The following CIMAP3 variants were observed in gnomAD, a reference collection of about 807,000 sequenced individuals.
CIMAP3 encodes ciliary microtubule associated protein 3, also known as ciliary microtubule-associated protein 3.
At chr1:111,350,452 A>G in the CIMAP3 span, among the ~76,000 whole-genome samples, 1 of 152,162 alleles carries the variant, frequency 6.6e-6, no homozygotes, top group South Asian at 2.1e-4. Context: ...ACATTTTCTT[A>G]TTTGATCCTT....
chr1:111,332,169 C>T, the CIMAP3 span, among the ~76,000 whole-genome samples: 1 of 152,128 alleles, frequency 6.6e-6, no homozygotes, highest in African/African-American at 2.4e-5. Flanking sequence ...GTAGAATGGG[C>T]ATGTGGTTAC....
the CIMAP3 span, among the ~76,000 whole-genome samples, chr1:111,326,649 G>A: frequency 1.3e-5 from 2 of 152,008 alleles, no homozygotes; most frequent in Admixed American, 6.6e-5. Flanking sequence ...TCTATTTTTA[G>A]ATTTTTGCAA....
chr1:111,326,487 T>G, the CIMAP3 span, among the ~76,000 whole-genome samples: 1 of 152,212 alleles, frequency 6.6e-6, no homozygotes, highest in African/African-American at 2.4e-5. Flanking sequence ...TCACTCTTTT[T>G]TTATAACCAA....
chr1:111,347,623 T>C, the CIMAP3 span: 15,873 of 457,978 alleles, frequency 0.035, 14 homozygotes, highest in Non-Finnish European at 0.043. Context: ...TTTTTCTTTC[T>C]TTTTTTTTTT....
chr1:111,352,145 TA>T, the CIMAP3 span: 1 of 152,224 alleles, frequency 6.6e-6, no homozygotes, highest in East Asian at 1.9e-4. Flanking sequence ...CAGCTGCATT[TA>T]AAGTACTTAC....
At chr1:111,336,644 G>A in the CIMAP3 span, among the ~76,000 whole-genome samples, 48 of 152,304 alleles carry the variant, frequency 3.2e-4, no homozygotes, top group South Asian at 9.7e-3. Flanking sequence ...GGGACGTTTA[G>A]AGAAAAAGAA....
At chr1:111,335,173 AGAG>A in the CIMAP3 span, among the ~76,000 whole-genome samples, 27 of 151,092 alleles carry the variant, frequency 1.8e-4, no homozygotes, top group Admixed American at 3.3e-4. Flanking sequence ...AAAAAGAAAC[AGAG>A]AAGAAAAAGA....
At chr1:111,335,718 C>T in the CIMAP3 span, among the ~76,000 whole-genome samples, 1 of 152,238 alleles carries the variant, frequency 6.6e-6, no homozygotes, top group Non-Finnish European at 1.5e-5. Flanking sequence ...GGGTGGAGCC[C>T]ACCACAGCTC....
At chr1:111,352,509 A>G in the CIMAP3 span, 2 of 152,680 alleles carry the variant, frequency 1.3e-5, no homozygotes, top group Admixed American at 6.5e-5. Context: ...TGAAATAATA[A>G]TGGTGAAGGA....
At chr1:111,327,303 T>C in the CIMAP3 span, among the ~76,000 whole-genome samples, 1 of 152,048 alleles carries the variant, frequency 6.6e-6, no homozygotes, top group African/African-American at 2.4e-5. Flanking sequence ...TCTTTTGCAT[T>C]TGAATATCCA....
chr1:111,332,379 T>C, the CIMAP3 span, among the ~76,000 whole-genome samples: 1 of 152,232 alleles, frequency 6.6e-6, no homozygotes. Context: ...AGGCCTGGAT[T>C]GTGGTCATAT....
chr1:111,348,164 A>G, the CIMAP3 span, among the ~76,000 whole-genome samples: 3 of 152,168 alleles, frequency 2.0e-5, no homozygotes, highest in African/African-American at 7.2e-5. Context: ...GGGGATCCTA[A>G]TCTCTTATTG....
chr1:111,327,808 G>A, the CIMAP3 span, among the ~76,000 whole-genome samples: 2 of 148,994 alleles, frequency 1.3e-5, no homozygotes, highest in East Asian at 4.0e-4. Flanking sequence ...GCCAACTCCT[G>A]GATTCACTGA....
At chr1:111,348,610 G>A in the CIMAP3 span, 8 of 1,611,984 alleles carry the variant, frequency 5.0e-6, no homozygotes, top group East Asian at 1.3e-4. Flanking sequence ...TTGGTGCCTC[G>A]ATTTAAGAAC....
the CIMAP3 span, chr1:111,348,395 G>A: frequency 1.9e-6 from 2 of 1,071,036 alleles, no homozygotes; most frequent in Admixed American, 5.5e-5. Flanking sequence ...GCTTGAGGTG[G>A]CTGAACCATA....
the CIMAP3 span, chr1:111,350,193 A>G: frequency 6.2e-7 from 1 of 1,613,840 alleles, no homozygotes. Flanking sequence ...CTCAGGTTCC[A>G]TGTCTACAGA....
At chr1:111,330,431 G>A in the CIMAP3 span, among the ~76,000 whole-genome samples, 1 of 152,204 alleles carries the variant, frequency 6.6e-6, no homozygotes, top group Non-Finnish European at 1.5e-5. Flanking sequence ...TCTTGCCTCT[G>A]GTTTCAGAGG....
chr1:111,348,540 T>C, the CIMAP3 span: 1 of 1,608,106 alleles, frequency 6.2e-7, no homozygotes, highest in Non-Finnish European at 8.5e-7. Flanking sequence ...TGCAGGCAGG[T>C]ACCAGAAAGT....
At chr1:111,326,369 G>A in the CIMAP3 span, among the ~76,000 whole-genome samples, 5 of 151,992 alleles carry the variant, frequency 3.3e-5, no homozygotes, top group South Asian at 1.0e-3. Flanking sequence ...TTATGAGATC[G>A]ACTTTTTTAG....
Sources: allele counts gnomAD v4.1 joint callset (sites outside exome capture counted in the v4.1 genomes callset), GRCh38; gene constraint gnomAD v4.1.1; transcripts MANE v1.5; gene names NCBI Gene and HGNC (gene_info 2026-07-23, HGNC 2026-07-21).